Variants in C4orf51 observed in about 807,000 individuals in gnomAD.
The protein encoded by C4orf51 is chromosome 4 open reading frame 51.
C4orf51 carries 25 observed loss-of-function variants against 25.2 expected under a neutral mutation model. The ratio of observed to expected loss-of-function variants is 0.99; its 90% CI spans 0.72 to 1.39. The LOEUF (loss-of-function observed/expected upper bound fraction) is 1.39, where lower values mean the gene tolerates loss of function less well. Ranked by LOEUF, C4orf51 falls within the 40% of genes most tolerant of loss-of-function variation. The pLI is 0.00. For synonymous variants in C4orf51, 100 were observed against 84.5 expected, an observed-to-expected ratio of 1.18 and a Z score of -1.01; for missense variants, 252 against 239.6, an observed-to-expected ratio of 1.05 and a Z score of -0.34.
intron 1 of C4orf51, chr4:145,760,690 CACCT>C (rs1279850077): frequency 3.1e-6 from 3 of 967,976 alleles, no homozygotes; most frequent in Non-Finnish European, 3.9e-6. Context: ...CAGCAACATA[CACCT>C]GCTGGGGTTG....
intron 1 of C4orf51, among the ~76,000 whole-genome samples, chr4:145,744,818 A>G (rs1733279704): frequency 1.3e-5 from 2 of 149,846 alleles, no homozygotes; most frequent in Admixed American, 6.7e-5. Context: ...GCGCCACTGT[A>G]CTCCAGCCTG....
intron 1 of C4orf51, among the ~76,000 whole-genome samples, chr4:145,695,435 T>G (rs952486915): frequency 1.4e-4 from 21 of 151,770 alleles, no homozygotes; most frequent in African/African-American, 4.4e-4. Context: ...GGATTGTTTG[T>G]TTTTTTTCTT....
chr4:145,770,362 C>T (rs1231489138), intron 1 of C4orf51, among the ~76,000 whole-genome samples: 1 of 150,988 alleles, frequency 6.6e-6, no homozygotes, highest in Non-Finnish European at 1.5e-5. Flanking sequence ...TAGATCAGAA[C>T]ATGTGAGTTT....
chr4:145,783,384 C>T, the C4orf51 span, among the ~76,000 whole-genome samples: 1 of 152,236 alleles, frequency 6.6e-6, no homozygotes, highest in South Asian at 2.1e-4. Context: ...AATCAGGCTA[C>T]CTGCCTTTTG....
intron 4 of C4orf51, among the ~76,000 whole-genome samples, chr4:145,729,569 G>A (rs1212422031): frequency 2.6e-5 from 4 of 152,074 alleles, no homozygotes; most frequent in East Asian, 3.8e-4. Flanking sequence ...CCAAAGTGCT[G>A]GGATTACAGG....
Position 145,763,635 on chromosome 4 carries a change from T to C in C4orf51, n.167-7353T>C, listed in dbSNP as rs1023766200. 1.3e-5 allele frequency among the ~76,000 whole-genome samples: 2 copies of C among 152,214 alleles called. No individual in the cohort carries two copies. Among genetic ancestry groups the C allele is most frequent in the Non-Finnish European group, 2.9e-5 (2 of 68,032 alleles). On this transcript the variant is annotated intron_variant and non_coding_transcript_variant, in intron 1 of 1. Transcript: ENST00000510096. The surrounding 1 kb of genome is among the most constrained non-coding windows in gnomAD (Gnocchi z 4.6). ...CAACTGGCAGGGGCTGCAATGTTCATGGGTGTGACTGGGCTACTGGGAAGG... is the reference window on the plus strand; with the variant it reads ...CAACTGGCAGGGGCTGCAATGTTCACGGGTGTGACTGGGCTACTGGGAAGG...
At chr4:145,696,091 G>A (rs1013003562) in intron 1 of C4orf51, among the ~76,000 whole-genome samples, 1 of 152,038 alleles carries the variant, frequency 6.6e-6, no homozygotes, top group African/African-American at 2.4e-5. Flanking sequence ...GTGAAACCCT[G>A]TCTCTACTAA....
chr4:145,706,259 G>A (rs939631912), intron 2 of C4orf51, among the ~76,000 whole-genome samples: 2 of 152,184 alleles, frequency 1.3e-5, no homozygotes, highest in African/African-American at 2.4e-5. Context: ...ATAAAGCACT[G>A]TGAGAATAAT....
chr4:145,691,378 A>G (rs1729550285), intron 1 of C4orf51, among the ~76,000 whole-genome samples: 1 of 152,236 alleles, frequency 6.6e-6, no homozygotes, highest in Non-Finnish European at 1.5e-5. Context: ...TGTGGAAAGT[A>G]GTTTGGAGAT....
At chr4:145,744,906 G>C (rs1427934064) in intron 1 of C4orf51, among the ~76,000 whole-genome samples, 1 of 151,956 alleles carries the variant, frequency 6.6e-6, no homozygotes, top group Non-Finnish European at 1.5e-5. Context: ...ATGATCTATG[G>C]TGATAATCTA....
At position 145,765,263 on chromosome 4, in the gene C4orf51, C is replaced by T. The variant is rs574746995; in HGVS notation, n.167-5725C>T. 17 of 1,306,460 alleles carry T rather than the reference C, an allele frequency of 1.3e-5. No homozygotes were observed. The highest frequency in any genetic ancestry group is 5.9e-5 in the African/African-American group (4 of 67,482). 80.9% of individuals were successfully genotyped at this position (1,306,460 alleles called of 1,614,324 possible). A position where few individuals can be genotyped will look rare whatever the true frequency, so the allele number is the denominator to read the frequency against. On this transcript the variant is annotated intron_variant and non_coding_transcript_variant, in intron 1 of 1. Transcript: ENST00000510096. The surrounding 1 kb of genome is among the most constrained non-coding windows in gnomAD (Gnocchi z 4.7). ...CCTCCCCACTTCCTCCCGCCTCCTC[C>T]GACGCCTGACAGCTATACCCTTCCA...
chr4:145,779,405 C>T, the C4orf51 span: 4 of 1,614,092 alleles, frequency 2.5e-6, no homozygotes, highest in African/African-American at 4.0e-5. Context: ...GGGACAATGT[C>T]TGCTGTCGGC....
intron 2 of C4orf51, 61 bp from the exon 3 acceptor site, chr4:145,726,850 G>A: frequency 7.2e-7 from 1 of 1,394,314 alleles, no homozygotes; most frequent in East Asian, 2.3e-5. Context: ...AATTGGAAGT[G>A]TAAGGAATTT....
Position 145,729,571 on chromosome 4 carries a change from G to A in C4orf51, c.428-321G>A, listed in dbSNP as rs1443204680. 1.3e-5 allele frequency among the ~76,000 whole-genome samples: 2 copies of A among 152,104 alleles called. 1 individual carries two copies. On this transcript the variant is annotated intron_variant, in intron 4 of 5. Coordinates refer to ENST00000438731, the MANE Select transcript of C4orf51 (RefSeq NM_001080531.3). ...CCTCCTTGGCCTCCCAAAGTGCTGG[G>A]ATTACAGGCGTGAGCCACCATGCCC... is the stretch of plus-strand genomic sequence containing the variant.
At position 145,701,185 on chromosome 4, in the gene C4orf51, C is replaced by A. The variant is rs1730414426; in HGVS notation, c.307+4553C>A. On this transcript the variant is annotated intron_variant, in intron 2 of 5. Transcript: ENST00000438731. ...TTAAACTCCAAAAATTAGAATCTGGCCCTCAAACCCCGCAACAGGACTTAA... is the reference window on the plus strand; with the variant it reads ...TTAAACTCCAAAAATTAGAATCTGGACCTCAAACCCCGCAACAGGACTTAA... 4.9e-5 allele frequency among the ~76,000 whole-genome samples: 6 copies of A among 123,480 alleles called. No individual in the cohort carries two copies. The South Asian group carries it at 1.7e-3, about 35-fold the overall frequency. The allele number at this position is 123,480 out of a possible 152,430, so 81.0% of individuals were successfully genotyped here. A position where few individuals can be genotyped will look rare whatever the true frequency, so the allele number is the denominator to read the frequency against.
At chr4:145,708,309 CA>C (rs1445757621) in intron 2 of C4orf51, among the ~76,000 whole-genome samples, 11 of 152,342 alleles carry the variant, frequency 7.2e-5, no homozygotes, top group Admixed American at 2.0e-4. Context: ...CCTCCCCTTT[CA>C]TTTTTAAGCC....
At chr4:145,734,720 G>A (rs975671802), downstream of C4orf51, among the ~76,000 whole-genome samples, 7 of 152,192 alleles carry the variant, frequency 4.6e-5, no homozygotes, top group African/African-American at 1.4e-4. Context: ...GGAATGTGCT[G>A]AGTTTTATGA....
At chr4:145,757,635 AC>A (rs1361553426), downstream of C4orf51, 1 of 150,354 alleles carries the variant, frequency 6.7e-6, no homozygotes, top group Non-Finnish European at 1.5e-5. Context: ...AGTATAGCCA[AC>A]CTTTTTTTTT....
intron 3 of C4orf51, among the ~76,000 whole-genome samples, chr4:145,728,740 G>A (rs547291200): frequency 6.6e-6 from 1 of 152,228 alleles, no homozygotes; most frequent in African/African-American, 2.4e-5. Context: ...TGCAAACACT[G>A]ATTCATGAAT....
Sources: allele counts gnomAD v4.1 joint callset (sites outside exome capture counted in the v4.1 genomes callset), GRCh38; gene constraint gnomAD v4.1.1; non-coding constraint Gnocchi (gnomAD v3.1); transcripts MANE v1.5; gene names NCBI Gene and HGNC (gene_info 2026-07-23, HGNC 2026-07-21).